The following EXOC4 variants were observed in gnomAD, a reference collection of about 807,000 sequenced individuals.
EXOC4 encodes SEC8-like 1.
Under a neutral mutation model 107.2 loss-of-function variants are expected in EXOC4, and 71 were observed. The ratio of observed to expected loss-of-function variants is 0.66; its 90% CI spans 0.55 to 0.81. The LOEUF is 0.81. Ranked by LOEUF, EXOC4 falls within the 30% of genes least tolerant of loss-of-function variation. The pLI is 0.00. For missense variants in EXOC4, 1,108 were observed against 1,189.6 expected (o/e 0.93, Z 1.01); for synonymous variants, 456 against 441.2 (o/e 1.03, Z -0.42).
chr7:133,722,094 T>C (rs532042104), intron 10 of EXOC4, among the ~76,000 whole-genome samples: 1 of 152,350 alleles, frequency 6.6e-6, no homozygotes, highest in South Asian at 2.1e-4. Flanking sequence ...TGCATATAAA[T>C]TCTGGCACGC....
rs1046868798 is a variant in EXOC4, at chr7:133,921,475, G to GT, written c.2027+3745dup. On this transcript the variant is annotated intron_variant, in intron 13 of 17. Transcript: ENST00000253861. ...AAATTAAACATCACAACTGAGGATTGTTTTTTTTCTCTTTTAACAACTAAA... is the reference window on the plus strand; with the variant it reads ...AAATTAAACATCACAACTGAGGATTGTTTTTTTTTCTCTTTTAACAACTAAA... Among the ~76,000 whole-genome samples, 26 of 151,930 alleles carry GT rather than the reference G, an allele frequency of 1.7e-4. No homozygotes were observed. The South Asian group carries it at 3.7e-3, about 22-fold the overall frequency.
Position 133,699,604 on chromosome 7 carries a change from G to T in EXOC4, c.1514+69463G>T, listed in dbSNP as rs537334088. Among the ~76,000 whole-genome samples, 15 of 152,204 alleles carry T rather than the reference G, an allele frequency of 9.9e-5. No homozygotes were observed. In the South Asian group the frequency reaches 3.1e-3, roughly 32 times the overall value. ...TGCGGTGGCCTTTATGTAATGTTGT[G>T]GTTTTGGCAGTCTCTTATGATAATT... On this transcript the variant is annotated intron_variant, in intron 10 of 17. Transcript: ENST00000253861.
chr7:133,593,885 T>G (rs1368003439), intron 9 of EXOC4, among the ~76,000 whole-genome samples: 1 of 152,186 alleles, frequency 6.6e-6, no homozygotes, highest in Non-Finnish European at 1.5e-5. Context: ...AAACAAGAGT[T>G]TTGTATTGGA....
chr7:133,770,532 A>T (rs1045012733), intron 10 of EXOC4, among the ~76,000 whole-genome samples: 1 of 151,980 alleles, frequency 6.6e-6, no homozygotes, highest in African/African-American at 2.4e-5. Flanking sequence ...ATGCACACTT[A>T]ATCAGATTTG....
At chr7:133,705,310 C>T (rs1468814863) in intron 10 of EXOC4, among the ~76,000 whole-genome samples, 3 of 152,048 alleles carry the variant, frequency 2.0e-5, no homozygotes, top group East Asian at 1.9e-4. Flanking sequence ...GAGGTTGCAG[C>T]GAGCTGAGAT....
chr7:133,868,403 T>C (rs939002065), intron 11 of EXOC4, among the ~76,000 whole-genome samples: 8 of 152,212 alleles, frequency 5.3e-5, no homozygotes, highest in Non-Finnish European at 4.4e-5. Context: ...TCACTTAATA[T>C]TTCTGTTTTC....
At chr7:133,292,968 C>T (rs1385462973) in intron 3 of EXOC4, among the ~76,000 whole-genome samples, 1 of 152,156 alleles carries the variant, frequency 6.6e-6, no homozygotes, top group East Asian at 1.9e-4. Flanking sequence ...TGGCAAGGTT[C>T]TCTAGTGTCT....
chr7:133,539,750 A>G (rs1484442246), intron 9 of EXOC4, among the ~76,000 whole-genome samples: 1 of 152,070 alleles, frequency 6.6e-6, no homozygotes, highest in Non-Finnish European at 1.5e-5. Context: ...TAAAAATGAA[A>G]CCTGTTTGAA....
chr7:133,649,475 T>TC (rs1803081591), intron 10 of EXOC4, among the ~76,000 whole-genome samples: 1 of 115,544 alleles, frequency 8.7e-6, no homozygotes, highest in South Asian at 2.5e-4. Context: ...TTCTTTTTTT[T>TC]TTTTTTTTTT....
intron 11 of EXOC4, among the ~76,000 whole-genome samples, chr7:133,819,828 A>C (rs1190563047): frequency 7.4e-6 from 1 of 135,114 alleles, no homozygotes; most frequent in Admixed American, 7.1e-5. Flanking sequence ...GATAATTTGC[A>C]GCTTCAGTAG....
intron 7 of EXOC4, among the ~76,000 whole-genome samples, chr7:133,384,912 G>T (rs1204087829): frequency 6.6e-6 from 1 of 151,738 alleles, no homozygotes; most frequent in African/African-American, 2.4e-5. Context: ...ATTCATGAAG[G>T]CTCCAATGCA....
At chr7:133,787,428 G>A (rs1441212093) in intron 10 of EXOC4, among the ~76,000 whole-genome samples, 1 of 151,134 alleles carries the variant, frequency 6.6e-6, no homozygotes, top group African/African-American at 2.4e-5. Flanking sequence ...TGTGTCAAGT[G>A]TCAAAGCACT....
intron 17 of EXOC4, among the ~76,000 whole-genome samples, chr7:134,037,038 A>G (rs1209987420): frequency 1.3e-5 from 2 of 152,202 alleles, no homozygotes; most frequent in Non-Finnish European, 2.9e-5. Flanking sequence ...GGATTCTAGC[A>G]CTTAGTTTCC....
chr7:133,906,005 A>T (rs1248242285), intron 12 of EXOC4, among the ~76,000 whole-genome samples: 3 of 152,174 alleles, frequency 2.0e-5, no homozygotes, highest in Non-Finnish European at 4.4e-5. Flanking sequence ...AAGGTTGAGA[A>T]ATCACAGTGA....
At chr7:133,395,805 T>G (rs1796958707) in intron 7 of EXOC4, among the ~76,000 whole-genome samples, 1 of 152,198 alleles carries the variant, frequency 6.6e-6, no homozygotes, top group African/African-American at 2.4e-5. Flanking sequence ...GCTAACATTT[T>G]TATGAAAAAG....
chr7:133,349,231 G>A (rs1795854787), intron 5 of EXOC4, among the ~76,000 whole-genome samples: 1 of 151,496 alleles, frequency 6.6e-6, no homozygotes, highest in Non-Finnish European at 1.5e-5. Context: ...TGATAGTGTT[G>A]TGCAACCATC....
intron 17 of EXOC4, among the ~76,000 whole-genome samples, chr7:134,057,847 G>C (rs567856043): frequency 2.3e-4 from 35 of 152,278 alleles, no homozygotes; most frequent in Admixed American, 6.5e-4. Context: ...TAACCTTTCT[G>C]TTTTGGACAT....
At chr7:133,455,015 G>C (rs1271876438) in intron 7 of EXOC4, among the ~76,000 whole-genome samples, 1 of 152,120 alleles carries the variant, frequency 6.6e-6, no homozygotes, top group Non-Finnish European at 1.5e-5. Context: ...GAGCTGGGGA[G>C]GTTGAGGCTG....
the EXOC4 span, among the ~76,000 whole-genome samples, chr7:134,076,458 C>T: frequency 3.3e-5 from 5 of 152,010 alleles, no homozygotes; most frequent in African/African-American, 1.2e-4. Flanking sequence ...GCGGAGCTTG[C>T]AGTGAGCCGA....
Sources: allele counts gnomAD v4.1 joint callset (sites outside exome capture counted in the v4.1 genomes callset), GRCh38; gene constraint gnomAD v4.1.1; transcripts MANE v1.5; gene names NCBI Gene and HGNC (gene_info 2026-07-23, HGNC 2026-07-21).